The following PPP1R1C variants were observed in gnomAD, a reference collection of about 807,000 sequenced individuals.
PPP1R1C encodes the protein protein phosphatase 1 regulatory subunit 1C.
A neutral mutation model predicts 17.4 loss-of-function variants in PPP1R1C; 15 were observed. The ratio of observed to expected loss-of-function variants is 0.86; its 90% confidence interval spans 0.58 to 1.33. The LOEUF (loss-of-function observed/expected upper bound fraction) is 1.33, where lower values mean the gene tolerates loss of function less well. Among genes scored for constraint, PPP1R1C ranks in the 40% most tolerant of loss-of-function variants. PPP1R1C has a pLI of 0.00. For missense variants in PPP1R1C, 143 were observed against 130.0 expected (o/e 1.10, Z -0.48); for synonymous variants, 35 against 43.1 (o/e 0.81, Z 0.73).
chr2:181,978,092 G>A (rs983469394), intron 2 of PPP1R1C, among the ~76,000 whole-genome samples: 36 of 152,140 alleles, frequency 2.4e-4, no homozygotes, highest in African/African-American at 2.2e-4. Context: ...CTTATATGGC[G>A]GCAGGCAAGG....
intron 4 of PPP1R1C, among the ~76,000 whole-genome samples, chr2:182,115,934 TAAAC>T (rs1385814883): frequency 1.3e-5 from 2 of 152,164 alleles, no homozygotes; most frequent in Non-Finnish European, 2.9e-5. Context: ...AAAAATCTAA[TAAAC>T]TAATTTTATA....
chr2:181,980,598 C>T lies in PPP1R1C; in HGVS notation n.157+5334C>T, dbSNP rs1462082124. The stretch of plus-strand genomic sequence containing the variant: ...TCTACAAATCTCTGTAGCTCCCTCT[C>T]TCTGATGTCAACTCACTGCTATAGC... On this transcript the variant is annotated intron_variant and non_coding_transcript_variant, in intron 2 of 5. Transcript: ENST00000464264. Among the ~76,000 whole-genome samples, 3 of 152,206 alleles carry T rather than the reference C, an allele frequency of 2.0e-5. No individual in the cohort carries two copies. In the East Asian group the frequency reaches 5.8e-4, roughly 29 times the overall value.
At chr2:182,079,131 G>A (rs1688399664) in intron 4 of PPP1R1C, among the ~76,000 whole-genome samples, 1 of 152,176 alleles carries the variant, frequency 6.6e-6, no homozygotes, top group African/African-American at 2.4e-5. Flanking sequence ...GGCTATAAAA[G>A]AAGCTATGTA....
At chr2:182,056,774 G>A (rs770435673) in intron 2 of PPP1R1C, among the ~76,000 whole-genome samples, 3 of 152,024 alleles carry the variant, frequency 2.0e-5, no homozygotes, top group African/African-American at 4.8e-5. Context: ...CTTGCCTACC[G>A]CTTATTTTTA....
intron 2 of PPP1R1C, among the ~76,000 whole-genome samples, chr2:181,975,883 G>A (rs1373008769): frequency 6.6e-6 from 1 of 152,010 alleles, no homozygotes; most frequent in African/African-American, 2.4e-5. Flanking sequence ...CTCATCCAAA[G>A]TAGCTTGTCC....
chr2:182,005,622 A>G (rs1685897225), intron 2 of PPP1R1C, among the ~76,000 whole-genome samples: 1 of 152,234 alleles, frequency 6.6e-6, no homozygotes, highest in Non-Finnish European at 1.5e-5. Flanking sequence ...CATCTGTTAT[A>G]TACAACATAA....
chr2:181,963,789 CTTGT>C (rs964658509), intron 1 of PPP1R1C, among the ~76,000 whole-genome samples: 8 of 146,930 alleles, frequency 5.4e-5, no homozygotes, highest in African/African-American at 2.0e-4. Flanking sequence ...TTCTTTTTTG[CTTGT>C]TTTTTTTTTA....
intron 4 of PPP1R1C, among the ~76,000 whole-genome samples, chr2:182,093,996 A>G (rs1448170015): frequency 6.6e-6 from 1 of 152,196 alleles, no homozygotes; most frequent in African/African-American, 2.4e-5. Flanking sequence ...CACTCTGCTC[A>G]TACCAATTTA....
At chr2:182,112,439 T>C (rs546450562) in intron 4 of PPP1R1C, among the ~76,000 whole-genome samples, 1 of 152,262 alleles carries the variant, frequency 6.6e-6, no homozygotes, top group East Asian at 1.9e-4. Context: ...CTATCCATGA[T>C]GTAATATCTT....
chr2:182,004,036 A>T (rs1383226312), intron 2 of PPP1R1C, among the ~76,000 whole-genome samples: 1 of 152,074 alleles, frequency 6.6e-6, no homozygotes, highest in Non-Finnish European at 1.5e-5. Context: ...CTGACTGGAG[A>T]GCTCTAATTG....
At chr2:182,078,119 G>A (rs1688368686) in intron 4 of PPP1R1C, among the ~76,000 whole-genome samples, 1 of 152,192 alleles carries the variant, frequency 6.6e-6, no homozygotes, top group Non-Finnish European at 1.5e-5. Flanking sequence ...GGCAGAGGCT[G>A]CAGTGAGCTG....
chr2:182,026,241 T>C (rs1440371999), intron 2 of PPP1R1C, among the ~76,000 whole-genome samples: 1,539 of 113,644 alleles, frequency 0.014, 28 homozygotes, highest in African/African-American at 0.051. Flanking sequence ...ATTTTGTCTT[T>C]TGTTGCCATT....
downstream of PPP1R1C, among the ~76,000 whole-genome samples, chr2:182,119,857 G>A (rs1355239336): frequency 6.6e-6 from 1 of 152,128 alleles, no homozygotes; most frequent in African/African-American, 2.4e-5. Context: ...TTTGTAGGTT[G>A]CCTGTTCACT....
At position 182,127,539 on chromosome 2, in the gene PPP1R1C, C is replaced by T. The variant is rs77808188; in HGVS notation, c.*7-1435C>T. Reference sequence around the variant, plus strand: ...TTCTCAACATTCTCAGAGTTGTAAACTCACATCTCAACCAAGCTGCTGCTC... The same window carrying T: ...TTCTCAACATTCTCAGAGTTGTAAATTCACATCTCAACCAAGCTGCTGCTC... On this transcript the variant is annotated intron_variant, in intron 5 of 5. Coordinates refer to the PPP1R1C transcript ENST00000280295. Among the ~76,000 whole-genome samples, 1,247 of 152,176 alleles carry T rather than the reference C, an allele frequency of 8.2e-3. 10 individuals carry two copies. The highest frequency in any genetic ancestry group is 0.012 in the Non-Finnish European group (820 of 67,974).
chr2:182,097,012 G>A (rs938545121), intron 4 of PPP1R1C, among the ~76,000 whole-genome samples: 1 of 152,196 alleles, frequency 6.6e-6, no homozygotes, highest in Non-Finnish European at 1.5e-5. Flanking sequence ...CTGGGTTGCA[G>A]TCTGAAGAAC....
downstream of PPP1R1C, among the ~76,000 whole-genome samples, chr2:182,119,100 T>C (rs1465971937): frequency 6.6e-6 from 1 of 151,614 alleles, no homozygotes; most frequent in East Asian, 2.0e-4. Flanking sequence ...TTCCCCTTCC[T>C]GTGTCCGTGT....
chr2:182,100,056 T>G (rs1689053069), intron 4 of PPP1R1C, among the ~76,000 whole-genome samples: 1 of 152,208 alleles, frequency 6.6e-6, no homozygotes, highest in African/African-American at 2.4e-5. Context: ...AGACGTAACT[T>G]GAAAGATACT....
intron 2 of PPP1R1C, among the ~76,000 whole-genome samples, chr2:182,026,535 T>C: frequency 6.7e-6 from 1 of 149,308 alleles, no homozygotes; most frequent in East Asian, 2.0e-4. Flanking sequence ...TGCGGCGTTA[T>C]TTCTGAGGGC....
intron 2 of PPP1R1C, among the ~76,000 whole-genome samples, chr2:182,035,384 TGTAA>T (rs1362747835): frequency 1.3e-5 from 2 of 152,246 alleles, no homozygotes; most frequent in Admixed American, 1.3e-4. Context: ...TAACAAATCA[TGTAA>T]GTGCCTTACT....
Sources: allele counts gnomAD v4.1 joint callset (sites outside exome capture counted in the v4.1 genomes callset), GRCh38; gene constraint gnomAD v4.1.1; transcripts MANE v1.5; gene names NCBI Gene and HGNC (gene_info 2026-07-23, HGNC 2026-07-21).